Variants in SPECC1 observed in about 807,000 individuals in gnomAD.
The protein encoded by SPECC1 is cytospin-B.
Under a neutral mutation model 104.1 loss-of-function variants are expected in SPECC1, and 62 were observed. The observed-to-expected ratio is 0.60, with a 90% CI of 0.49 to 0.74. SPECC1 has a LOEUF of 0.74. Among genes scored for constraint, SPECC1 ranks in the 30% least tolerant of loss-of-function variants. The pLI, the probability that SPECC1 is intolerant of heterozygous loss-of-function variation, is 0.00. For synonymous variants in SPECC1, 513 were observed against 501.6 expected (o/e 1.02, Z -0.30); for missense variants, 1,306 against 1,310.5 (o/e 1.00, Z 0.05).
intron 7 of SPECC1, among the ~76,000 whole-genome samples, chr17:20,244,765 G>A (rs1371694006): frequency 6.6e-6 from 1 of 152,060 alleles, no homozygotes. Context: ...GAAACATTCT[G>A]TTTGAACTAT....
intron 3 of SPECC1, among the ~76,000 whole-genome samples, chr17:20,166,735 C>T (rs1292488525): frequency 6.6e-6 from 1 of 152,138 alleles, no homozygotes; most frequent in Non-Finnish European, 1.5e-5. Context: ...TTTCACTCTT[C>T]TCTTTCCTCA....
rs1234970643 is a variant in SPECC1 at position 20,315,959 on chromosome 17, A to G, written c.*1894A>G. 1 of 232,664 alleles carries G rather than the reference A, an allele frequency of 4.3e-6. No individual in the cohort carries two copies. The highest frequency in any genetic ancestry group is 5.6e-5 in the Admixed American group (1 of 17,766). The allele number at this position is 232,664 out of a possible 1,614,324, so 14.4% of individuals were successfully genotyped here. On this transcript the variant is annotated 3_prime_UTR_variant, in exon 15 of 15. Transcript: ENST00000395527. ...ACATGTTTTGTAAGTTCTTTAGGCG[A>G]CTGAAGCACAGCTGCTTGGAGAACC...
chr17:20,209,425 C>A (rs1597982123), intron 4 of SPECC1, among the ~76,000 whole-genome samples: 1 of 152,078 alleles, frequency 6.6e-6, no homozygotes, highest in East Asian at 1.9e-4. Flanking sequence ...ACTCAAGCAA[C>A]CCAGATACCG....
At chr17:20,236,396 T>C (rs1307854210) in intron 7 of SPECC1, among the ~76,000 whole-genome samples, 1 of 88,394 alleles carries the variant, frequency 1.1e-5, no homozygotes, top group Non-Finnish European at 2.2e-5. Flanking sequence ...TAAAGAGCTG[T>C]GTCTGCCTCC....
intron 4 of SPECC1, among the ~76,000 whole-genome samples, chr17:20,215,603 T>C (rs535726719): frequency 2.8e-4 from 42 of 152,366 alleles, no homozygotes; most frequent in African/African-American, 8.9e-4. Context: ...ATGTAACTAT[T>C]TGAATGAAAG....
chr17:20,095,579 C>G (rs999513003), intron 1 of SPECC1: 1 of 152,416 alleles, frequency 6.6e-6, no homozygotes, highest in South Asian at 2.1e-4. Flanking sequence ...GCCTGTGGTT[C>G]TTCTCGTGGC....
intron 3 of SPECC1, among the ~76,000 whole-genome samples, chr17:20,179,167 C>A (rs2034686222): frequency 6.6e-6 from 1 of 152,226 alleles, no homozygotes; most frequent in Admixed American, 6.5e-5. Flanking sequence ...AGAGAGATGT[C>A]TGCAGGCACT....
chr17:20,297,513 C>T (rs1439763010), intron 13 of SPECC1, among the ~76,000 whole-genome samples: 2 of 152,180 alleles, frequency 1.3e-5, no homozygotes, highest in African/African-American at 4.8e-5. Flanking sequence ...AACCTCTTTA[C>T]TTATATTTGT....
At chr17:20,157,576 C>T (rs1234865378) in intron 3 of SPECC1, among the ~76,000 whole-genome samples, 1 of 152,098 alleles carries the variant, frequency 6.6e-6, no homozygotes. Flanking sequence ...ACATGCTTGT[C>T]CAGGTATTGT....
At chr17:20,049,715 G>A (rs906212114) in intron 1 of SPECC1, among the ~76,000 whole-genome samples, 1 of 152,046 alleles carries the variant, frequency 6.6e-6, no homozygotes, top group African/African-American at 2.4e-5. Flanking sequence ...TAACTTCAGG[G>A]TTTTTATATT....
Position 20,073,231 on chromosome 17 carries a change from A to C in SPECC1, c.-21-23400A>C, listed in dbSNP as rs1399404041. Among the ~76,000 whole-genome samples the C allele has an allele frequency of 2.6e-5, 4 of 152,252 alleles. No individual in the cohort carries two copies. In the South Asian group the frequency reaches 8.3e-4, roughly 32 times the overall value. On this transcript the variant is annotated intron_variant, in intron 1 of 14. Coordinates refer to ENST00000395527, the MANE Select transcript of SPECC1 (RefSeq NM_001243439.2). Reference sequence around the variant, plus strand: ...TTCCCACCTAGAACTCACAGTGTTCACAGGGTCATGGCAAGGTGGTGGGGC... The same window carrying C: ...TTCCCACCTAGAACTCACAGTGTTCCCAGGGTCATGGCAAGGTGGTGGGGC...
At chr17:20,273,507 C>G (rs541156258) in intron 12 of SPECC1, among the ~76,000 whole-genome samples, 1 of 151,900 alleles carries the variant, frequency 6.6e-6, no homozygotes, top group East Asian at 1.9e-4. Context: ...GAGTGACTAC[C>G]TCAGCCCTCA....
intron 2 of SPECC1, among the ~76,000 whole-genome samples, chr17:20,107,637 A>G (rs1012332600): frequency 6.6e-6 from 1 of 151,748 alleles, no homozygotes; most frequent in African/African-American, 2.4e-5. Context: ...TTGTATTCTT[A>G]GCAGAGATGG....
intron 3 of SPECC1, chr17:20,156,310 T>G (rs1219917108): frequency 1.5e-6 from 2 of 1,293,190 alleles, no homozygotes; most frequent in African/African-American, 1.6e-5. Flanking sequence ...CCCCACCGCC[T>G]CCGGCTCGCG....
chr17:20,036,369 T>G (rs950185706), intron 1 of SPECC1, among the ~76,000 whole-genome samples: 5 of 151,940 alleles, frequency 3.3e-5, no homozygotes, highest in African/African-American at 4.8e-5. Flanking sequence ...ACCTCAAGTT[T>G]TCTGCTCGCC....
intron 13 of SPECC1, among the ~76,000 whole-genome samples, chr17:20,302,274 C>T (rs1369983638): frequency 1.3e-5 from 2 of 152,212 alleles, no homozygotes; most frequent in Non-Finnish European, 2.9e-5. Flanking sequence ...TTAGGCTGTC[C>T]TGGAACTGGA....
intron 4 of SPECC1, among the ~76,000 whole-genome samples, chr17:20,222,020 T>TG (rs1286068041): frequency 2.0e-5 from 3 of 151,350 alleles, no homozygotes; most frequent in South Asian, 2.1e-4. Context: ...ATTTCAGTTT[T>TG]TTTTTTTTTT....
intron 1 of SPECC1, among the ~76,000 whole-genome samples, chr17:20,024,942 A>C (rs952033549): frequency 6.6e-6 from 1 of 151,978 alleles, no homozygotes; most frequent in African/African-American, 2.4e-5. Context: ...CTTGAATTCT[A>C]TTTTTCTTAT....
At chr17:20,288,328 C>A (rs2041030656) in intron 12 of SPECC1, among the ~76,000 whole-genome samples, 1 of 151,922 alleles carries the variant, frequency 6.6e-6, no homozygotes, top group South Asian at 2.1e-4. Flanking sequence ...ATTGCTGGGT[C>A]AAATGGTTTT....
Sources: gnomAD v4.1 joint callset for allele counts (sites outside exome capture counted in the v4.1 genomes callset) on GRCh38, gnomAD v4.1.1 for gene constraint, MANE v1.5 for transcripts, NCBI Gene and HGNC (gene_info 2026-07-23, HGNC 2026-07-21) for gene names.